The following MATN2 variants were observed in gnomAD, a reference collection of about 807,000 sequenced individuals.
The protein encoded by MATN2 is matrilin-2.
Under a neutral mutation model 103.2 loss-of-function variants are expected in MATN2, and 69 were observed. The observed-to-expected ratio is 0.67, with a 90% confidence interval of 0.55 to 0.82. The LOEUF (loss-of-function observed/expected upper bound fraction) is 0.82, where lower values mean the gene tolerates loss of function less well. Among genes scored for constraint, MATN2 ranks in the 40% least tolerant of loss-of-function variants. MATN2 has a pLI of 0.00. For synonymous variants in MATN2, 429 were observed against 450.2 expected, an observed-to-expected ratio of 0.95 and a Z score of 0.60; for missense variants, 1,023 against 1,211.5, an observed-to-expected ratio of 0.84 and a Z score of 2.31.
chr8:98,015,925 T>TATAC (rs202199486), intron 10 of MATN2, among the ~76,000 whole-genome samples: 1 of 152,206 alleles, frequency 6.6e-6, no homozygotes. Flanking sequence ...AAGTGTAATA[T>TATAC]ATACATACAT....
At chr8:97,899,192 T>C (rs1297808843) in intron 2 of MATN2, among the ~76,000 whole-genome samples, 2 of 152,110 alleles carry the variant, frequency 1.3e-5, no homozygotes, top group Non-Finnish European at 2.9e-5. Context: ...TCCCATGGAG[T>C]GCTGTATGTC....
At chr8:97,879,832 T>G (rs1297770798) in intron 1 of MATN2, among the ~76,000 whole-genome samples, 1 of 152,106 alleles carries the variant, frequency 6.6e-6, no homozygotes, top group Non-Finnish European at 1.5e-5. Flanking sequence ...AGGTCTAACA[T>G]TTAGAGCTGC....
At chr8:98,031,411 GC>G (rs1814014883) in intron 15 of MATN2, 1 of 152,050 alleles carries the variant, frequency 6.6e-6, no homozygotes, top group Non-Finnish European at 1.5e-5. Context: ...CATTGTTTGC[GC>G]CCTTGCTCTG....
chr8:97,877,191 G>T (rs35754315), intron 1 of MATN2, among the ~76,000 whole-genome samples: 6 of 151,628 alleles, frequency 4.0e-5, no homozygotes, highest in African/African-American at 7.3e-5. Flanking sequence ...AAAATTTTTT[G>T]GGGGGGCCAG....
chr8:97,922,034 G>C (rs1809830088), intron 2 of MATN2, among the ~76,000 whole-genome samples: 1 of 152,124 alleles, frequency 6.6e-6, no homozygotes, highest in South Asian at 2.1e-4. Context: ...TGCATGCAAG[G>C]GATCTAGGTT....
rs1391372495 is a variant in MATN2, at chr8:98,005,347, GC to G, written c.1327+1567del. On this transcript the variant is annotated intron_variant, in intron 8 of 18. Transcript: ENST00000254898. The surrounding 1 kb of genome is among the most constrained non-coding windows in gnomAD (Gnocchi z 4.6). ...GCGGGTCTCCCATTCAACAGGAGAT[GC>G]CCTGGTGACCATGGATCTGTGTGTA... is the stretch of plus-strand genomic sequence containing the variant. Among the ~76,000 whole-genome samples the G allele has an allele frequency of 6.6e-6, 1 of 152,174 alleles. No homozygotes were observed. The highest frequency in any genetic ancestry group is 1.5e-5 in the Non-Finnish European group (1 of 68,014).
chr8:97,988,604 C>A (rs1812283794), intron 6 of MATN2, among the ~76,000 whole-genome samples: 1 of 152,054 alleles, frequency 6.6e-6, no homozygotes, highest in African/African-American at 2.4e-5. Flanking sequence ...CCAGCCTGGG[C>A]AACAGAGTGA....
chr8:97,999,965 C>T (rs923620562), intron 7 of MATN2, among the ~76,000 whole-genome samples: 1 of 151,750 alleles, frequency 6.6e-6, no homozygotes, highest in Non-Finnish European at 1.5e-5. Context: ...ACTGCAACCT[C>T]CATCTCCTGG....
chr8:98,023,212 G>A (rs563273038), intron 13 of MATN2, among the ~76,000 whole-genome samples: 2 of 152,138 alleles, frequency 1.3e-5, no homozygotes, highest in Non-Finnish European at 1.5e-5. Context: ...GGCCGAGATC[G>A]TGCCACTGCA....
intron 5 of MATN2, among the ~76,000 whole-genome samples, chr8:97,976,564 A>G (rs1360073753): frequency 6.6e-6 from 1 of 152,136 alleles, no homozygotes; most frequent in African/African-American, 2.4e-5. Flanking sequence ...AAAATTTTAC[A>G]TATGTATTAC....
intron 2 of MATN2, among the ~76,000 whole-genome samples, chr8:97,924,592 CT>C (rs1329269990): frequency 6.6e-6 from 1 of 152,186 alleles, no homozygotes; most frequent in Non-Finnish European, 1.5e-5. Flanking sequence ...CATTCTCCCC[CT>C]GGCCCTTGAC....
intron 6 of MATN2, among the ~76,000 whole-genome samples, chr8:97,993,530 A>G (rs1675654338): frequency 6.6e-6 from 1 of 152,204 alleles, no homozygotes; most frequent in Admixed American, 6.5e-5. Flanking sequence ...ATAAAAATAC[A>G]CAAGTAAAAT....
intron 2 of MATN2, among the ~76,000 whole-genome samples, chr8:97,922,166 T>C (rs1336922899): frequency 6.6e-6 from 1 of 152,212 alleles, no homozygotes; most frequent in South Asian, 2.1e-4. Flanking sequence ...ACCAAAAAGG[T>C]TGGGGACTGC....
chr8:97,969,194 G>A (rs1443149247), intron 5 of MATN2, among the ~76,000 whole-genome samples: 1 of 152,164 alleles, frequency 6.6e-6, no homozygotes, highest in South Asian at 2.1e-4. Flanking sequence ...ACCTAGGGGT[G>A]GTGCTAAGCC....
intron 10 of MATN2, among the ~76,000 whole-genome samples, chr8:98,011,805 A>C (rs529132588): frequency 1.3e-4 from 20 of 152,248 alleles, no homozygotes; most frequent in Admixed American, 3.9e-4. Flanking sequence ...GCAGAGGTGC[A>C]AGTCCACAGA....
At chr8:97,899,320 T>C (rs1219351171) in intron 2 of MATN2, among the ~76,000 whole-genome samples, 1 of 152,198 alleles carries the variant, frequency 6.6e-6, no homozygotes, top group East Asian at 1.9e-4. Flanking sequence ...CATAAATGCC[T>C]ATAGGAAAAG....
At chr8:97,945,830 A>G (rs557788964) in intron 4 of MATN2, among the ~76,000 whole-genome samples, 8 of 151,936 alleles carry the variant, frequency 5.3e-5, no homozygotes, top group Non-Finnish European at 8.8e-5. Context: ...GACCTTGGCT[A>G]TTAGACTTCT....
At chr8:97,976,072 G>T (rs570805531) in intron 5 of MATN2, among the ~76,000 whole-genome samples, 9 of 152,070 alleles carry the variant, frequency 5.9e-5, no homozygotes, top group Admixed American at 5.9e-4. Flanking sequence ...CAAATACTAG[G>T]TTCTACTAGA....
intron 5 of MATN2, among the ~76,000 whole-genome samples, chr8:97,976,820 C>G (rs1811851964): frequency 6.6e-6 from 1 of 151,992 alleles, no homozygotes; most frequent in Non-Finnish European, 1.5e-5. Context: ...CATTTCACCT[C>G]TAATCCAACA....
Sources: gnomAD v4.1 joint callset for allele counts (sites outside exome capture counted in the v4.1 genomes callset) on GRCh38, gnomAD v4.1.1 for gene constraint, Gnocchi (gnomAD v3.1) non-coding constraint, MANE v1.5 for transcripts, NCBI Gene and HGNC (gene_info 2026-07-23, HGNC 2026-07-21) for gene names.